STAG1: variants seen among roughly 807,000 people sequenced by gnomAD.
The protein encoded by STAG1 is STAG1 cohesin complex component.
Under a neutral mutation model 170.9 loss-of-function variants are expected in STAG1, and 26 were observed. The observed-to-expected ratio is 0.15, with a 90% CI of 0.11 to 0.21. The LOEUF is 0.21. Among genes scored for constraint, STAG1 ranks in the 10% least tolerant of loss-of-function variants. The pLI, the probability that STAG1 is intolerant of heterozygous loss-of-function variation, is 1.00. For synonymous variants in STAG1, 514 were observed against 497.7 expected (o/e 1.03, Z -0.44); for missense variants, 964 against 1,509.5 (o/e 0.64, Z 5.99).
chr3:136,655,354 C>T (rs906679308), intron 1 of STAG1, among the ~76,000 whole-genome samples: 3 of 152,182 alleles, frequency 2.0e-5, no homozygotes, highest in Non-Finnish European at 4.4e-5. Flanking sequence ...AGAAAATACA[C>T]GAATGGCCAG....
intron 1 of STAG1, among the ~76,000 whole-genome samples, chr3:136,674,861 T>C (rs1942084828): frequency 6.6e-6 from 1 of 152,190 alleles, no homozygotes; most frequent in African/African-American, 2.4e-5. Flanking sequence ...AAAAACGAAA[T>C]TCTACAGCCA....
chr3:136,574,636 T>G (rs905108203), intron 4 of STAG1, among the ~76,000 whole-genome samples: 7 of 152,272 alleles, frequency 4.6e-5, no homozygotes, highest in African/African-American at 1.7e-4. Flanking sequence ...TAGGAAGCTA[T>G]AACAACATTA....
At chr3:136,656,461 C>T (rs199828976) in intron 1 of STAG1, among the ~76,000 whole-genome samples, 1 of 129,480 alleles carries the variant, frequency 7.7e-6, no homozygotes, top group African/African-American at 2.9e-5. Flanking sequence ...CATTTTTTTT[C>T]CCAACATTAG....
chr3:136,349,447 C>A, intron 28 of STAG1, 84 bp from the exon 29 acceptor site: 2 of 1,003,742 alleles, frequency 2.0e-6, no homozygotes, highest in Non-Finnish European at 1.5e-6. Flanking sequence ...GGCTCTCTTT[C>A]TGCAGGTTCT....
intron 21 of STAG1, among the ~76,000 whole-genome samples, chr3:136,407,406 T>G (rs1031886273): frequency 6.6e-6 from 1 of 152,260 alleles, no homozygotes; most frequent in Non-Finnish European, 1.5e-5. Flanking sequence ...TTTCATGTTT[T>G]TGGCACTACT....
intron 10 of STAG1, among the ~76,000 whole-genome samples, chr3:136,474,940 G>A (rs1449426034): frequency 1.3e-5 from 2 of 152,058 alleles, no homozygotes; most frequent in Non-Finnish European, 2.9e-5. Context: ...CGCCCAGGTT[G>A]AGGCCCATAG....
At chr3:136,445,122 C>T (rs1394535245) in intron 14 of STAG1, among the ~76,000 whole-genome samples, 3 of 151,384 alleles carry the variant, frequency 2.0e-5, no homozygotes, top group Non-Finnish European at 4.4e-5. Flanking sequence ...TCTTCTGACA[C>T]TAATTCAGTA....
chr3:136,490,853 T>C (rs1457269086), intron 9 of STAG1, among the ~76,000 whole-genome samples: 2 of 152,246 alleles, frequency 1.3e-5, no homozygotes, highest in African/African-American at 4.8e-5. Context: ...CTGAGTAAGT[T>C]TGTCCTTATG....
intron 29 of STAG1, among the ~76,000 whole-genome samples, chr3:136,348,327 T>C (rs1361844531): frequency 4.6e-5 from 7 of 151,852 alleles, no homozygotes; most frequent in Non-Finnish European, 1.0e-4. Flanking sequence ...GAATACCTAC[T>C]GTTGATCAGA....
At chr3:136,347,194 G>A (rs574258007) in intron 29 of STAG1, among the ~76,000 whole-genome samples, 1 of 149,458 alleles carries the variant, frequency 6.7e-6, no homozygotes, top group Non-Finnish European at 1.5e-5. Flanking sequence ...TCAGGAGTTC[G>A]AGACCAGCCT....
rs574352927 is a variant in STAG1, at chr3:136,422,911, G to A, written c.1743+41C>T. On this transcript the variant is annotated intron_variant, in intron 17 of 33. Coordinates refer to ENST00000383202, the MANE Select transcript of STAG1 (RefSeq NM_005862.3). ...TAACTACTTTAATAGTACAATGAAA[G>A]CAAACTCAGTGACATAACAAAACTG... 5.7e-6 allele frequency: 9 copies of A among 1,588,162 alleles called. No individual in the cohort carries two copies. The South Asian group carries it at 1.0e-4, about 18-fold the overall frequency.
rs1285992792 is a variant in STAG1, at chr3:136,472,423, G to C, written c.1195C>G (p.Leu399Val). The stretch of plus-strand genomic sequence containing the variant: ...ATGGATATTACTTACTGAAGTATCA[G>C]AGTAACCAATCGAATAGCTTCCACA... Reference protein sequence around the residue: ...VAVEAIRLVTLILHGSEEALS... With the variant: ...VAVEAIRLVTVILHGSEEALS... Residue 399 changes from leucine to valine, a missense_variant, in exon 12 of 34, where the codon CTG (leucine) becomes GTG (valine). Leu to Val is a conservative substitution (Grantham distance 32). Coordinates refer to ENST00000383202, the MANE Select transcript of STAG1 (RefSeq NM_005862.3). 5 of 1,610,418 alleles carry C rather than the reference G, an allele frequency of 3.1e-6. No individual in the cohort carries two copies. Among genetic ancestry groups the C allele is most frequent in the Non-Finnish European group, 1.7e-6 (2 of 1,177,262 alleles).
chr3:136,440,117 T>C (rs142596000), intron 15 of STAG1, among the ~76,000 whole-genome samples: 86 of 152,170 alleles, frequency 5.7e-4, no homozygotes, highest in African/African-American at 2.0e-3. Flanking sequence ...GACCATCTTG[T>C]CTTGTCTTAA....
intron 12 of STAG1, among the ~76,000 whole-genome samples, chr3:136,470,440 C>G (rs976707653): frequency 1.3e-5 from 2 of 152,150 alleles, no homozygotes; most frequent in African/African-American, 2.4e-5. Context: ...AATGAGATAC[C>G]ATCTCACACC....
intron 29 of STAG1, among the ~76,000 whole-genome samples, chr3:136,344,386 A>C (rs1290090720): frequency 1.3e-5 from 2 of 152,134 alleles, no homozygotes; most frequent in Non-Finnish European, 2.9e-5. Context: ...CAAGCAATAA[A>C]GGGCCTATTT....
At chr3:136,366,030 T>G (rs1388615952) in intron 25 of STAG1, among the ~76,000 whole-genome samples, 2 of 151,856 alleles carry the variant, frequency 1.3e-5, no homozygotes, top group Admixed American at 6.6e-5. Flanking sequence ...CACTTAAGTC[T>G]CTCTCTATAT....
At chr3:136,611,525 T>C (rs1465450764) in intron 3 of STAG1, among the ~76,000 whole-genome samples, 1 of 151,606 alleles carries the variant, frequency 6.6e-6, no homozygotes. Flanking sequence ...AGACACAGTC[T>C]TACTCTGTCA....
In STAG1 at chr3:136,532,361, G is replaced by C. The variant is rs369951630; in HGVS notation, c.471+9758C>G. Among the ~76,000 whole-genome samples, 11 of 152,240 alleles carry C rather than the reference G, an allele frequency of 7.2e-5. No homozygotes were observed. The East Asian group carries it at 1.9e-3, about 27-fold the overall frequency. ...GTTGTTTTTGCTGTGGCCTTATCTG[G>C]TTTTGCTAACAGGGTAATGCTGGCC... On this transcript the variant is annotated intron_variant, in intron 6 of 33. Coordinates refer to ENST00000383202, the MANE Select transcript of STAG1 (RefSeq NM_005862.3).
chr3:136,358,120 C>T (rs1416655349), intron 27 of STAG1, among the ~76,000 whole-genome samples: 3 of 148,528 alleles, frequency 2.0e-5, no homozygotes, highest in South Asian at 4.2e-4. Flanking sequence ...CAAGGTCTCA[C>T]TGTGTCGCCC....
Sources: allele counts gnomAD v4.1 joint callset (sites outside exome capture counted in the v4.1 genomes callset), GRCh38; gene constraint gnomAD v4.1.1; transcripts MANE v1.5; gene names NCBI Gene and HGNC (gene_info 2026-07-23, HGNC 2026-07-21).